The following INTS6 variants were observed in gnomAD, a reference collection of about 807,000 sequenced individuals.
INTS6 encodes integrator complex subunit 6.
A neutral mutation model predicts 104.9 loss-of-function variants in INTS6; 16 were observed. That is an observed-to-expected ratio of 0.15 (90% confidence interval 0.10 to 0.23). The LOEUF (loss-of-function observed/expected upper bound fraction) is 0.23. INTS6 is among the 10% of genes least tolerant of loss of function. The probability of loss-of-function intolerance (pLI) is 1.00; values close to 1 mark genes in which losing one functional copy is unlikely to be tolerated. For synonymous variants in INTS6, 324 were observed against 358.7 expected, an observed-to-expected ratio of 0.90 and a Z score of 1.09; for missense variants, 584 against 1,062.8, an observed-to-expected ratio of 0.55 and a Z score of 6.26.
At position 51,377,587 on chromosome 13, in the gene INTS6, C is replaced by G. The variant is rs547518454; in HGVS notation, c.1602+652G>C. ...GTTTAAAAGACTGTCTTCTTATCCA[C>G]TACCTTATTTTAATATCTTTGTTAA... On this transcript the variant is annotated intron_variant, in intron 12 of 17. Transcript: ENST00000311234. Among the ~76,000 whole-genome samples the G allele has an allele frequency of 2.6e-4, 39 of 152,182 alleles. 1 individual carries two copies. Among genetic ancestry groups the G allele is most frequent in the African/African-American group, 8.2e-4 (34 of 41,564 alleles).
At chr13:51,366,254 T>C (rs2137850171) in intron 17 of INTS6, among the ~76,000 whole-genome samples, 1 of 152,080 alleles carries the variant, frequency 6.6e-6, no homozygotes, top group South Asian at 2.1e-4. Context: ...GAAAGGAATG[T>C]GAACAAAGTA....
chr13:51,350,042 T>C (rs1480278448), downstream of INTS6, among the ~76,000 whole-genome samples: 1 of 152,220 alleles, frequency 6.6e-6, no homozygotes, highest in Non-Finnish European at 1.5e-5. Flanking sequence ...AGTCAGCTTT[T>C]AGGCAGGGAT....
At chr13:51,342,823 G>A in the INTS6 span, among the ~76,000 whole-genome samples, 1 of 152,118 alleles carries the variant, frequency 6.6e-6, no homozygotes, top group African/African-American at 2.4e-5. Context: ...CCTCGATAGA[G>A]TAAAATCTGA....
chr13:51,358,770 G>T (rs1955518695), downstream of INTS6, among the ~76,000 whole-genome samples: 1 of 152,090 alleles, frequency 6.6e-6, no homozygotes, highest in Admixed American at 6.6e-5. Flanking sequence ...GAAGAGTGGA[G>T]AGTATGCCAG....
chr13:51,416,301 C>A (rs1383458610), intron 4 of INTS6, among the ~76,000 whole-genome samples: 1 of 152,128 alleles, frequency 6.6e-6, no homozygotes, highest in Non-Finnish European at 1.5e-5. Context: ...AGTGGCTGAA[C>A]CAGGAAGTCA....
chr13:51,338,024 T>C, the INTS6 span, among the ~76,000 whole-genome samples: 2 of 152,182 alleles, frequency 1.3e-5, no homozygotes, highest in South Asian at 4.1e-4. Context: ...ATATAGAAAA[T>C]ATATCCTGTA....
At chr13:51,385,015 A>T (rs1353823267) in intron 7 of INTS6, 17 of 207,164 alleles carry the variant, frequency 8.2e-5, no homozygotes, top group African/African-American at 3.8e-4. Context: ...ATCACCTAAA[A>T]ATAGGGTCTA....
chr13:51,388,178 T>C (rs1400121231), intron 6 of INTS6, among the ~76,000 whole-genome samples: 2 of 152,054 alleles, frequency 1.3e-5, no homozygotes, highest in Non-Finnish European at 2.9e-5. Flanking sequence ...TTAAAATTTT[T>C]TTAAGTTTGG....
At chr13:51,422,996 T>A (rs1956922703) in intron 4 of INTS6, 1 of 1,111,420 alleles carries the variant, frequency 9.0e-7, no homozygotes, top group African/African-American at 1.6e-5. Context: ...CCATGAGATT[T>A]ATCTTAATGT....
the INTS6 span, among the ~76,000 whole-genome samples, chr13:51,336,856 G>A: frequency 2.0e-5 from 3 of 152,236 alleles, no homozygotes; most frequent in African/African-American, 7.2e-5. Flanking sequence ...GTATCAAAAA[G>A]TAGAGGGGCC....
chr13:51,355,061 A>G, intron 3 of INTS6: 4 of 1,539,274 alleles, frequency 2.6e-6, no homozygotes, highest in Non-Finnish European at 3.5e-6. Context: ...TCCAAAATCA[A>G]TTCAACTTAA....
intron 3 of INTS6, among the ~76,000 whole-genome samples, chr13:51,355,344 T>G (rs1955465016): frequency 1.3e-5 from 2 of 152,188 alleles, no homozygotes; most frequent in African/African-American, 4.8e-5. Context: ...TCTTCAGGCC[T>G]TAATCATGGT....
chr13:51,364,471 A>T lies in INTS6; in HGVS notation c.*1281T>A, dbSNP rs748306259. The stretch of plus-strand genomic sequence containing the variant: ...AGTTTATTTTGCCTACTCTTAATCC[A>T]AATCTATTTTGACCTTCTTTTCTAC... On this transcript the variant is annotated 3_prime_UTR_variant, in exon 18 of 18. Transcript: ENST00000311234. The T allele has an allele frequency of 4.1e-6, 2 of 485,340 alleles. No individual in the cohort carries two copies. The highest frequency in any genetic ancestry group is 7.2e-6 in the Non-Finnish European group (2 of 276,452). 30.1% of individuals were successfully genotyped at this position (485,340 alleles called of 1,614,324 possible).
intron 4 of INTS6, 65 bp downstream of exon 4, chr13:51,430,229 T>C (rs1957067309): frequency 7.4e-7 from 1 of 1,351,852 alleles, no homozygotes; most frequent in African/African-American, 1.4e-5. Flanking sequence ...GTGTTCAGTA[T>C]CCTACAAAAA....
intron 4 of INTS6, among the ~76,000 whole-genome samples, chr13:51,417,579 C>T (rs1254181494): frequency 4.0e-5 from 6 of 151,570 alleles, no homozygotes; most frequent in Admixed American, 3.3e-4. Context: ...CTCAGCCTCC[C>T]GAGTAGCTGG....
intron 3 of INTS6, chr13:51,450,150 A>G: frequency 1.0e-6 from 1 of 984,618 alleles, no homozygotes. Context: ...ATATATAATT[A>G]GGAATAGTGC....
At chr13:51,369,905 A>G (rs1298391430) in intron 15 of INTS6, among the ~76,000 whole-genome samples, 1 of 152,144 alleles carries the variant, frequency 6.6e-6, no homozygotes, top group Non-Finnish European at 1.5e-5. Flanking sequence ...TTATTAGACT[A>G]CTAAAACTGA....
chr13:51,334,471 C>T, the INTS6 span, among the ~76,000 whole-genome samples: 5 of 152,122 alleles, frequency 3.3e-5, no homozygotes, highest in Non-Finnish European at 7.4e-5. Context: ...AATGGAAAGA[C>T]ATTCCACAGT....
At chr13:51,345,509 C>T in the INTS6 span, among the ~76,000 whole-genome samples, 1 of 147,838 alleles carries the variant, frequency 6.8e-6, no homozygotes, top group Non-Finnish European at 1.5e-5. Flanking sequence ...GCAGGAGAAT[C>T]GCTTGAACCC....
Sources: allele counts gnomAD v4.1 joint callset (sites outside exome capture counted in the v4.1 genomes callset), GRCh38; gene constraint gnomAD v4.1.1; transcripts MANE v1.5; gene names NCBI Gene and HGNC (gene_info 2026-07-23, HGNC 2026-07-21).